The following PARD3B variants were observed in gnomAD, a reference collection of about 807,000 sequenced individuals.
PARD3B encodes partitioning defective 3 homolog B.
PARD3B carries 103 observed loss-of-function variants against 130.2 expected under a neutral mutation model. The ratio of observed to expected loss-of-function variants is 0.79; its 90% CI spans 0.67 to 0.93. The LOEUF (loss-of-function observed/expected upper bound fraction) is 0.93. PARD3B is among the 40% of genes least tolerant of loss of function. The pLI is 0.00. For missense variants in PARD3B, 1,609 were observed against 1,499.2 expected, an observed-to-expected ratio of 1.07 and a Z score of -1.21; for synonymous variants, 583 against 553.2, an observed-to-expected ratio of 1.05 and a Z score of -0.76.
chr2:205,150,786 G>C (rs191180604), intron 10 of PARD3B, among the ~76,000 whole-genome samples: 2 of 152,286 alleles, frequency 1.3e-5, no homozygotes, highest in Non-Finnish European at 2.9e-5. Flanking sequence ...ATACAGTATA[G>C]TATGGCAGTG....
chr2:205,373,154 G>A (rs1023959238), intron 18 of PARD3B, among the ~76,000 whole-genome samples: 1 of 152,156 alleles, frequency 6.6e-6, no homozygotes, highest in African/African-American at 2.4e-5. Flanking sequence ...CTAGTGCTGA[G>A]ATATAGTCTA....
chr2:205,166,287 G>A (rs2034811891), intron 11 of PARD3B, among the ~76,000 whole-genome samples: 1 of 152,176 alleles, frequency 6.6e-6, no homozygotes, highest in Admixed American at 6.5e-5. Context: ...TTCTGTCTGG[G>A]GAGAAAACTA....
At chr2:205,004,461 C>T (rs1403859042) in intron 3 of PARD3B, among the ~76,000 whole-genome samples, 2 of 152,128 alleles carry the variant, frequency 1.3e-5, no homozygotes, top group Non-Finnish European at 2.9e-5. Context: ...TAAGCATACA[C>T]AGTAGTTACC....
intron 10 of PARD3B, among the ~76,000 whole-genome samples, chr2:205,151,270 T>C (rs916553401): frequency 2.0e-5 from 3 of 152,190 alleles, no homozygotes; most frequent in Admixed American, 1.3e-4. Context: ...TATAGATGTC[T>C]ATTAGGTCTG....
At position 204,605,803 on chromosome 2, in the gene PARD3B, C is replaced by T. The variant is rs144597105; in HGVS notation, c.120+59684C>T. On this transcript the variant is annotated intron_variant, in intron 1 of 22. Transcript: ENST00000406610. ...ACAATGTCATTAGAATGTGCTGGGA[C>T]AGTAATGGTTGTTTTATTATTATTG... 4.2e-3 allele frequency among the ~76,000 whole-genome samples: 634 copies of T among 152,230 alleles called. 7 individuals are homozygous for T. Among genetic ancestry groups the T allele is most frequent in the East Asian group, 0.016 (83 of 5,164 alleles).
In PARD3B at chr2:205,175,486, C is replaced by T. The variant is rs139186341; in HGVS notation, c.1792-959C>T. Among the ~76,000 whole-genome samples, 1,179 of 152,278 alleles carry T rather than the reference C, an allele frequency of 7.7e-3. 22 individuals carry two copies. Among genetic ancestry groups the T allele is most frequent in the African/African-American group, 0.027 (1,116 of 41,540 alleles). On this transcript the variant is annotated intron_variant, in intron 12 of 22. Transcript: ENST00000406610. ...TTTTAGATATTTTGTGTGACTAGCT[C>T]AACACTGAATTTTTATAACCAAAGA...
chr2:205,057,607 G>GTATGTGTATACGTATATATGCATA (rs1553605803), intron 4 of PARD3B, among the ~76,000 whole-genome samples: 1 of 68,470 alleles, frequency 1.5e-5, no homozygotes, highest in East Asian at 4.4e-4. Flanking sequence ...ACATATATGT[G>GTATGTGTATACGTATATATGCATA]TATGTGTATG....
At chr2:205,389,873 G>A (rs1296501256) in intron 18 of PARD3B, among the ~76,000 whole-genome samples, 1 of 152,140 alleles carries the variant, frequency 6.6e-6, no homozygotes, top group Non-Finnish European at 1.5e-5. Flanking sequence ...ATGGCTTTGG[G>A]TTTAAATTTC....
chr2:204,764,310 T>C (rs1017056474), intron 2 of PARD3B, among the ~76,000 whole-genome samples: 2 of 152,178 alleles, frequency 1.3e-5, no homozygotes, highest in Non-Finnish European at 2.9e-5. Flanking sequence ...CTGCTTTGTT[T>C]CCTTTAAGGT....
At chr2:204,640,548 G>A (rs12613314) in intron 1 of PARD3B, among the ~76,000 whole-genome samples, 100,948 of 151,878 alleles carry the variant, frequency 0.66, 37,205 homozygotes, top group South Asian at 0.81. Flanking sequence ...GTCCCTTCAA[G>A]CCAAGGGCAG....
chr2:204,979,094 T>A (rs1245544917), intron 3 of PARD3B, among the ~76,000 whole-genome samples: 1 of 151,454 alleles, frequency 6.6e-6, no homozygotes, highest in African/African-American at 2.4e-5. Context: ...TAGTCCCACC[T>A]ACTTGGGAGG....
Position 205,545,554 on chromosome 2 carries a change from C to G in PARD3B, c.3181-7770C>G, listed in dbSNP as rs141618486. Reference sequence around the variant, plus strand: ...TGAAACTCATTTTTTTGTAATGGATCTAAGTAAGACATATTTGTAAATGAG... The same window carrying G: ...TGAAACTCATTTTTTTGTAATGGATGTAAGTAAGACATATTTGTAAATGAG... On this transcript the variant is annotated intron_variant, in intron 21 of 22. Transcript: ENST00000406610. 7.8e-4 allele frequency among the ~76,000 whole-genome samples: 118 copies of G among 152,218 alleles called. No homozygotes were observed. In the East Asian group the frequency reaches 0.021, roughly 27 times the overall value.
intron 20 of PARD3B, among the ~76,000 whole-genome samples, chr2:205,466,326 C>G (rs2048622625): frequency 6.6e-6 from 1 of 152,190 alleles, no homozygotes; most frequent in South Asian, 2.1e-4. Flanking sequence ...CATTCCTCTG[C>G]AGGTCAGAAT....
At chr2:205,297,996 A>G (rs565932454) in intron 16 of PARD3B, among the ~76,000 whole-genome samples, 1 of 152,316 alleles carries the variant, frequency 6.6e-6, no homozygotes, top group African/African-American at 2.4e-5. Context: ...CTTCTTAGCT[A>G]TGACTTCTTG....
intron 2 of PARD3B, among the ~76,000 whole-genome samples, chr2:204,745,565 G>A (rs897216008): frequency 6.6e-6 from 1 of 151,898 alleles, no homozygotes; most frequent in Admixed American, 6.6e-5. Context: ...ACCACACCTG[G>A]CTAATCTTTG....
At chr2:205,050,160 C>A (rs1223468499) in intron 4 of PARD3B, among the ~76,000 whole-genome samples, 2 of 148,832 alleles carry the variant, frequency 1.3e-5, no homozygotes, top group African/African-American at 2.5e-5. Flanking sequence ...AATTAACCAG[C>A]TAATTAATTA....
intron 20 of PARD3B, among the ~76,000 whole-genome samples, chr2:205,475,044 C>T (rs184044400): frequency 7.9e-5 from 12 of 152,218 alleles, no homozygotes; most frequent in East Asian, 7.7e-4. Flanking sequence ...TTTATCAAGA[C>T]GTATTTGGAT....
intron 2 of PARD3B, among the ~76,000 whole-genome samples, chr2:204,915,599 C>T (rs1367168209): frequency 2.0e-5 from 3 of 151,968 alleles, no homozygotes; most frequent in Non-Finnish European, 2.9e-5. Context: ...ACTACTTTCA[C>T]CATGGAAAAA....
At chr2:204,616,489 G>A (rs1559187113) in intron 1 of PARD3B, among the ~76,000 whole-genome samples, 1 of 152,126 alleles carries the variant, frequency 6.6e-6, no homozygotes, top group Non-Finnish European at 1.5e-5. Context: ...TGAGAACGTG[G>A]AGCAACAGGA....
Sources: gnomAD v4.1 joint callset for allele counts (sites outside exome capture counted in the v4.1 genomes callset) on GRCh38, gnomAD v4.1.1 for gene constraint, MANE v1.5 for transcripts, NCBI Gene and HGNC (gene_info 2026-07-23, HGNC 2026-07-21) for gene names.